The following MITF variants were observed in gnomAD, a reference collection of about 807,000 sequenced individuals.
The protein encoded by MITF is microphthalmia-associated transcription factor.
A neutral mutation model predicts 60.5 loss-of-function variants in MITF; 17 were observed. That is an observed-to-expected ratio of 0.28 (90% CI 0.19 to 0.42). The LOEUF (loss-of-function observed/expected upper bound fraction) is 0.42, where lower values mean the gene tolerates loss of function less well. Ranked by LOEUF, MITF falls within the 10% of genes least tolerant of loss-of-function variation. The pLI, the probability that MITF is intolerant of heterozygous loss-of-function variation, is 1.00. For missense variants in MITF, 622 were observed against 683.5 expected (o/e 0.91, Z 1.00); for synonymous variants, 260 against 248.5 (o/e 1.05, Z -0.43).
At chr3:69,841,682 A>T (rs2063638840) in intron 1 of MITF, among the ~76,000 whole-genome samples, 1 of 152,180 alleles carries the variant, frequency 6.6e-6, no homozygotes, top group Non-Finnish European at 1.5e-5. Context: ...AATTAATGTT[A>T]ATTAATTAAT....
chr3:69,815,432 A>C (rs765557400), intron 1 of MITF, among the ~76,000 whole-genome samples: 3 of 152,194 alleles, frequency 2.0e-5, no homozygotes. Flanking sequence ...AGCCTACTCA[A>C]CATGAAGATG....
chr3:69,874,476 G>A (rs1372269170), intron 1 of MITF, among the ~76,000 whole-genome samples: 2 of 152,174 alleles, frequency 1.3e-5, no homozygotes, highest in Admixed American at 6.5e-5. Flanking sequence ...CAGTCATTGT[G>A]CTAAGTTTTT....
intron 2 of MITF, among the ~76,000 whole-genome samples, chr3:69,929,999 G>GC (rs879801411): frequency 2.6e-5 from 4 of 151,922 alleles, no homozygotes; most frequent in Non-Finnish European, 5.9e-5. Flanking sequence ...ACCTACCCCC[G>GC]CCCCCAACAA....
At chr3:69,896,546 C>A (rs2107335696) in intron 2 of MITF, among the ~76,000 whole-genome samples, 1 of 152,288 alleles carries the variant, frequency 6.6e-6, no homozygotes, top group East Asian at 1.9e-4. Context: ...CCAGCTGATG[C>A]TGAATTAGGG....
intron 1 of MITF, among the ~76,000 whole-genome samples, chr3:69,852,164 A>T (rs2063835048): frequency 6.6e-6 from 1 of 152,162 alleles, no homozygotes; most frequent in South Asian, 2.1e-4. Context: ...CTTAAAGAAT[A>T]GGTAGATTTT....
At chr3:69,930,605 G>A (rs1486573541) in intron 2 of MITF, among the ~76,000 whole-genome samples, 1 of 152,206 alleles carries the variant, frequency 6.6e-6, no homozygotes, top group Non-Finnish European at 1.5e-5. Context: ...TCTAGTTGGT[G>A]CTCAAGCAAT....
chr3:69,780,081 T>G (rs2062539259), intron 1 of MITF, among the ~76,000 whole-genome samples: 1 of 152,206 alleles, frequency 6.6e-6, no homozygotes, highest in East Asian at 1.9e-4. Context: ...CAAAGAGGTA[T>G]TGAGGGTCAG....
chr3:69,866,600 C>T (rs2064120352), intron 1 of MITF, among the ~76,000 whole-genome samples: 1 of 152,060 alleles, frequency 6.6e-6, no homozygotes, highest in African/African-American at 2.4e-5. Context: ...TTGCCCTCTC[C>T]TTTAAAATTG....
rs558232277 is a variant in MITF at position 69,753,541 on chromosome 3, A to G, written c.104+13840A>G. The stretch of plus-strand genomic sequence containing the variant: ...CTGGCAACTTGCACTCTCAGCCTGG[A>G]AAAGCCACAGGCAGTCAATGCCAGC... On this transcript the variant is annotated intron_variant, in intron 1 of 9. Coordinates refer to ENST00000352241, the MANE Select transcript of MITF (RefSeq NM_001354604.2). Among the ~76,000 whole-genome samples the G allele has an allele frequency of 2.4e-4, 36 of 152,344 alleles. 1 individual carries two copies. The South Asian group carries it at 7.3e-3, about 31-fold the overall frequency.
At chr3:69,935,211 C>T (rs1219486854) in intron 2 of MITF, among the ~76,000 whole-genome samples, 4 of 152,102 alleles carry the variant, frequency 2.6e-5, no homozygotes, top group Admixed American at 1.3e-4. Flanking sequence ...TTTCAACTTA[C>T]GTGAAAAATA....
intron 2 of MITF, among the ~76,000 whole-genome samples, chr3:69,911,279 A>G (rs2065219408): frequency 6.6e-6 from 1 of 151,974 alleles, no homozygotes; most frequent in South Asian, 2.1e-4. Context: ...TTTCTTCCCA[A>G]TCTCAGGTAT....
At chr3:69,786,152 A>G (rs2062645660) in intron 1 of MITF, among the ~76,000 whole-genome samples, 2 of 152,192 alleles carry the variant, frequency 1.3e-5, no homozygotes, top group Admixed American at 6.5e-5. Flanking sequence ...AGCTTTGCCA[A>G]AGGAGGTTTG....
At chr3:69,944,896 A>T (rs975956435) in intron 5 of MITF, among the ~76,000 whole-genome samples, 2 of 151,998 alleles carry the variant, frequency 1.3e-5, no homozygotes, top group African/African-American at 2.4e-5. Flanking sequence ...TAACATTTTA[A>T]TTTTTTCCCA....
intron 1 of MITF, among the ~76,000 whole-genome samples, chr3:69,834,799 T>G (rs1270726782): frequency 6.6e-6 from 1 of 151,870 alleles, no homozygotes; most frequent in African/African-American, 2.4e-5. Context: ...TAACAGTGTG[T>G]AAGTGTTCCT....
chr3:69,827,143 A>T (rs2063368382), intron 1 of MITF, among the ~76,000 whole-genome samples: 2 of 152,070 alleles, frequency 1.3e-5, no homozygotes, highest in African/African-American at 4.8e-5. Flanking sequence ...ATCCTATCTG[A>T]GGGGGACAGG....
intron 1 of MITF, among the ~76,000 whole-genome samples, chr3:69,755,819 G>A (rs545969411): frequency 6.6e-6 from 1 of 152,270 alleles, no homozygotes; most frequent in South Asian, 2.1e-4. Flanking sequence ...GATGCTACCT[G>A]TAGTAAGGGT....
At chr3:69,754,881 C>T (rs1451262630) in intron 1 of MITF, among the ~76,000 whole-genome samples, 1 of 151,426 alleles carries the variant, frequency 6.6e-6, no homozygotes, top group Non-Finnish European at 1.5e-5. Context: ...GTTTTAGACA[C>T]CTTAATAAAG....
intron 2 of MITF, among the ~76,000 whole-genome samples, chr3:69,925,003 C>T (rs2065554143): frequency 6.6e-6 from 1 of 151,948 alleles, no homozygotes; most frequent in African/African-American, 2.4e-5. Flanking sequence ...CCTCTCGTCT[C>T]CTTCTTGGTG....
At chr3:69,870,301 T>C (rs1453891323) in intron 1 of MITF, among the ~76,000 whole-genome samples, 3 of 137,672 alleles carry the variant, frequency 2.2e-5, no homozygotes, top group Non-Finnish European at 4.5e-5. Flanking sequence ...TTTATATATA[T>C]ACACATACAT....
Sources: gnomAD v4.1 joint callset for allele counts (sites outside exome capture counted in the v4.1 genomes callset) on GRCh38, gnomAD v4.1.1 for gene constraint, MANE v1.5 for transcripts, NCBI Gene and HGNC (gene_info 2026-07-23, HGNC 2026-07-21) for gene names.